The following RANBP2 variants were observed in gnomAD, a reference collection of about 807,000 sequenced individuals.
RANBP2 encodes the protein RAN binding protein 2.
A neutral mutation model predicts 303.6 loss-of-function variants in RANBP2; 57 were observed. The ratio of observed to expected loss-of-function variants is 0.19; its 90% CI spans 0.15 to 0.23. The LOEUF (loss-of-function observed/expected upper bound fraction) is 0.23, where lower values mean the gene tolerates loss of function less well. Ranked by LOEUF, RANBP2 falls within the 10% of genes least tolerant of loss-of-function variation. The pLI is 1.00. For missense variants in RANBP2, 3,138 were observed against 3,780.8 expected, an observed-to-expected ratio of 0.83 and a Z score of 4.46; for synonymous variants, 1,167 against 1,301.5, an observed-to-expected ratio of 0.90 and a Z score of 2.23.
the RANBP2 span, among the ~76,000 whole-genome samples, chr2:108,799,305 T>C: frequency 7.2e-5 from 11 of 152,352 alleles, no homozygotes; most frequent in Admixed American, 3.9e-4. Flanking sequence ...AGATATATTT[T>C]ACTGTACATA....
At chr2:109,150,432 T>C in the RANBP2 span, among the ~76,000 whole-genome samples, 2 of 152,222 alleles carry the variant, frequency 1.3e-5, no homozygotes, top group African/African-American at 4.8e-5. Flanking sequence ...GGAACTACTC[T>C]GCTCATTATT....
At chr2:109,062,469 A>G in the RANBP2 span, among the ~76,000 whole-genome samples, 2 of 152,174 alleles carry the variant, frequency 1.3e-5, no homozygotes, top group African/African-American at 2.4e-5. Flanking sequence ...GGTAAAGTGC[A>G]TGATCTTGTG....
chr2:109,027,699 A>G, the RANBP2 span, among the ~76,000 whole-genome samples: 1 of 138,254 alleles, frequency 7.2e-6, no homozygotes, highest in African/African-American at 2.7e-5. Flanking sequence ...GGGACTCAGC[A>G]GGACCTAGGC....
At chr2:109,683,910 T>C in the RANBP2 span, among the ~76,000 whole-genome samples, 2 of 152,090 alleles carry the variant, frequency 1.3e-5, no homozygotes, top group African/African-American at 4.8e-5. Flanking sequence ...AGTTTAATAA[T>C]GCTTTTAGTT....
the RANBP2 span, among the ~76,000 whole-genome samples, chr2:109,384,821 G>A: frequency 6.6e-6 from 1 of 152,308 alleles, no homozygotes; most frequent in South Asian, 2.1e-4. Flanking sequence ...TGGGCAGAAG[G>A]CCTCAGGGTA....
chr2:109,701,388 G>C, the RANBP2 span, among the ~76,000 whole-genome samples: 1 of 152,138 alleles, frequency 6.6e-6, no homozygotes, highest in Non-Finnish European at 1.5e-5. Flanking sequence ...GGTACAGTTT[G>C]CTTTTATACG....
the RANBP2 span, among the ~76,000 whole-genome samples, chr2:109,561,368 T>C: frequency 1.3e-5 from 2 of 152,154 alleles, no homozygotes. Flanking sequence ...CATTTTACAC[T>C]GTCTGCCTCT....
chr2:108,973,513 T>C, the RANBP2 span, among the ~76,000 whole-genome samples: 1 of 152,194 alleles, frequency 6.6e-6, no homozygotes, highest in Non-Finnish European at 1.5e-5. Context: ...GCCTGAACCC[T>C]GGCAGAATCT....
chr2:109,339,282 G>C, the RANBP2 span, among the ~76,000 whole-genome samples: 19 of 151,954 alleles, frequency 1.3e-4, no homozygotes, highest in African/African-American at 4.1e-4. Context: ...CTGTTTTTTG[G>C]GGGGGTGGGG....
chr2:108,781,299 C>T lies in RANBP2; in HGVS notation c.8630C>T (p.Ala2877Val). ...DKNFQWANTG[A>V]AVFGTQSVGT... ...AATTTCCAATGGGCAAATACTGGAG[C>T]AGCTGTGTTTGGAACACAGTCAGTC... is the stretch of plus-strand genomic sequence containing the variant. The change falls in exon 26 of 29, where the codon GCA (alanine) becomes GTA (valine). Residue 2877 changes from alanine (A) to valine (V), a missense_variant. Ala to Val is a moderately conservative substitution (Grantham distance 64). Around this residue, in one of 20 missense-constraint regions of RANBP2, gnomAD observed 497 missense variants for 465.8 expected, o/e 1.07. Transcript: ENST00000283195. 6.2e-7 allele frequency: 1 copy of T among 1,614,102 alleles called. No individual in the cohort carries two copies. Among genetic ancestry groups the T allele is most frequent in the Non-Finnish European group, 8.5e-7 (1 of 1,180,030 alleles).
chr2:109,588,302 T>C, the RANBP2 span, among the ~76,000 whole-genome samples: 4 of 152,030 alleles, frequency 2.6e-5, no homozygotes, highest in Admixed American at 6.6e-5. Flanking sequence ...ATGAAGATCA[T>C]CAGAAAGGTA....
chr2:108,998,565 TCTCA>T, the RANBP2 span, among the ~76,000 whole-genome samples: 4 of 152,332 alleles, frequency 2.6e-5, no homozygotes, highest in Non-Finnish European at 4.4e-5. Flanking sequence ...GCGTCTTCTC[TCTCA>T]CTGTTTATCC....
chr2:108,810,553 A>G, the RANBP2 span, among the ~76,000 whole-genome samples: 1 of 152,032 alleles, frequency 6.6e-6, no homozygotes, highest in African/African-American at 2.4e-5. Flanking sequence ...GTGTTGTTGA[A>G]TTTGGTTTGC....
chr2:108,823,695 C>T, the RANBP2 span, among the ~76,000 whole-genome samples: 1 of 152,116 alleles, frequency 6.6e-6, no homozygotes, highest in East Asian at 1.9e-4. Context: ...AAAGGGTGCA[C>T]CTGGGCCAGG....
chr2:108,884,597 G>C, the RANBP2 span: 1 of 152,184 alleles, frequency 6.6e-6, no homozygotes, highest in African/African-American at 2.4e-5. Flanking sequence ...GTAGGAACCT[G>C]TGACAAAGCT....
At chr2:109,677,417 G>A in the RANBP2 span, among the ~76,000 whole-genome samples, 34 of 152,248 alleles carry the variant, frequency 2.2e-4, no homozygotes, top group East Asian at 5.2e-3. Context: ...GTCCCTATCC[G>A]TGACTTTTCC....
chr2:109,128,880 A>T, the RANBP2 span: 1 of 311,572 alleles, frequency 3.2e-6, no homozygotes, highest in Admixed American at 3.8e-5. Context: ...CTAGGGGACC[A>T]GGCTAATCGC....
At chr2:108,873,487 CTT>C in the RANBP2 span, 1 of 1,607,190 alleles carries the variant, frequency 6.2e-7, no homozygotes, top group Non-Finnish European at 8.5e-7. Context: ...TGTAGCAACT[CTT>C]TATTTTTTCG....
chr2:109,383,319 G>A, the RANBP2 span, among the ~76,000 whole-genome samples: 1 of 152,214 alleles, frequency 6.6e-6, no homozygotes, highest in Non-Finnish European at 1.5e-5. Context: ...GGGGGGTCAT[G>A]GGGGACCCCA....
Sources: gnomAD v4.1 joint callset for allele counts (sites outside exome capture counted in the v4.1 genomes callset) on GRCh38, gnomAD v4.1.1 for gene constraint, gnomAD v4.1.1 regional missense constraint, MANE v1.5 for transcripts, NCBI Gene and HGNC (gene_info 2026-07-23, HGNC 2026-07-21) for gene names.